The following OSBPL10 variants were observed in gnomAD, a reference collection of about 807,000 sequenced individuals.
OSBPL10 encodes oxysterol-binding protein-related protein 10.
In OSBPL10, 49 loss-of-function variants were observed where a neutral mutation model predicts 81.7. That is an observed-to-expected ratio of 0.60 (90% CI 0.48 to 0.76). The LOEUF (loss-of-function observed/expected upper bound fraction) is 0.76. Among genes scored for constraint, OSBPL10 ranks in the 30% least tolerant of loss-of-function variants. The pLI is 0.00. For synonymous variants in OSBPL10, 419 were observed against 383.6 expected, an observed-to-expected ratio of 1.09 and a Z score of -1.08; for missense variants, 923 against 987.8, an observed-to-expected ratio of 0.93 and a Z score of 0.88.
intron 6 of OSBPL10, among the ~76,000 whole-genome samples, chr3:31,732,216 T>A (rs1222059532): frequency 6.6e-6 from 1 of 152,204 alleles, no homozygotes; most frequent in Non-Finnish European, 1.5e-5. Context: ...CCACAGCCAC[T>A]ATTCACTTCA....
chr3:32,030,467 T>TGCGTATTAA (rs1412352996), intron 2 of OSBPL10: 2 of 694,344 alleles, frequency 2.9e-6, no homozygotes, highest in Non-Finnish European at 5.3e-6. Flanking sequence ...AGAATTAATG[T>TGCGTATTAA]GCGTATTAAG....
In OSBPL10 at chr3:31,847,877, G is replaced by A. The variant is rs1250533350; in HGVS notation, c.538-17646C>T. ...GGGCTGGAAGCAGGGCCCAGAAGCT[G>A]CAGCCAACCTGCAAGACCAGACACA... On this transcript the variant is annotated intron_variant, in intron 3 of 11. Transcript: ENST00000396556. Among the ~76,000 whole-genome samples the A allele has an allele frequency of 3.9e-5, 6 of 152,118 alleles. No individual in the cohort carries two copies. The East Asian group carries it at 1.2e-3, about 30-fold the overall frequency.
chr3:31,684,294 T>A (rs890788909), intron 7 of OSBPL10, among the ~76,000 whole-genome samples, 180 bp from the exon 8 acceptor site: 1 of 152,198 alleles, frequency 6.6e-6, no homozygotes, highest in Non-Finnish European at 1.5e-5. Flanking sequence ...AAATGAGAAG[T>A]GGCAGTGGAA....
upstream of OSBPL10, among the ~76,000 whole-genome samples, chr3:31,981,603 G>C (rs568633157): frequency 6.6e-6 from 1 of 152,220 alleles, no homozygotes; most frequent in Admixed American, 6.5e-5. The surrounding 1 kb of genome is among the most constrained non-coding windows in gnomAD (Gnocchi z 4.5). Flanking sequence ...CATTCCTTCT[G>C]CCACCCTCTC....
chr3:31,692,231 C>A (rs936855035), intron 7 of OSBPL10, among the ~76,000 whole-genome samples: 3 of 152,100 alleles, frequency 2.0e-5, no homozygotes, highest in Non-Finnish European at 4.4e-5. Flanking sequence ...GTGTACGTGG[C>A]AAATTCATCT....
At chr3:31,841,200 C>T (rs1700486501) in intron 3 of OSBPL10, among the ~76,000 whole-genome samples, 1 of 152,258 alleles carries the variant, frequency 6.6e-6, no homozygotes, top group African/African-American at 2.4e-5. Flanking sequence ...AGCCACCGCA[C>T]CTGGCCTAGG....
chr3:31,969,356 G>C (rs1698489087), intron 1 of OSBPL10: 1 of 152,380 alleles, frequency 6.6e-6, no homozygotes, highest in African/African-American at 2.4e-5. Flanking sequence ...CAGCCCAGAG[G>C]TGGCAAGAGT....
intron 3 of OSBPL10, among the ~76,000 whole-genome samples, chr3:31,871,402 T>C (rs1350017885): frequency 6.6e-6 from 1 of 151,658 alleles, no homozygotes; most frequent in African/African-American, 2.4e-5. Context: ...TCCGAACACA[T>C]CCAAACATCA....
At chr3:31,841,691 T>C (rs1700502011) in intron 3 of OSBPL10, among the ~76,000 whole-genome samples, 1 of 152,230 alleles carries the variant, frequency 6.6e-6, no homozygotes, top group Non-Finnish European at 1.5e-5. Context: ...ATTCTAGTGC[T>C]GACTCAAAGC....
At chr3:31,679,216 C>G (rs546330049) in intron 8 of OSBPL10, among the ~76,000 whole-genome samples, 1 of 152,318 alleles carries the variant, frequency 6.6e-6, no homozygotes, top group African/African-American at 2.4e-5. Flanking sequence ...CTCAGCTGCT[C>G]TATCTTGCTG....
chr3:31,741,694 G>A (rs1003480175), intron 5 of OSBPL10, among the ~76,000 whole-genome samples: 2 of 152,132 alleles, frequency 1.3e-5, no homozygotes, highest in Non-Finnish European at 2.9e-5. Flanking sequence ...ATATCCTATT[G>A]ATATCCTATT....
At chr3:31,818,247 C>T (rs1432126098) in intron 4 of OSBPL10, among the ~76,000 whole-genome samples, 1 of 152,098 alleles carries the variant, frequency 6.6e-6, no homozygotes, top group Non-Finnish European at 1.5e-5. Flanking sequence ...CCATTGAAGG[C>T]CTCAATGGAA....
At chr3:31,918,386 T>C (rs950709760) in intron 1 of OSBPL10, among the ~76,000 whole-genome samples, 9 of 151,198 alleles carry the variant, frequency 6.0e-5, no homozygotes, top group African/African-American at 1.9e-4. Context: ...CAGAGTACAG[T>C]GGTATGATCA....
At chr3:31,864,079 C>A (rs1258766561) in intron 3 of OSBPL10, among the ~76,000 whole-genome samples, 4 of 152,186 alleles carry the variant, frequency 2.6e-5, no homozygotes, top group Non-Finnish European at 5.9e-5. Flanking sequence ...TATGATTTCC[C>A]CACAGTCCCA....
Position 31,955,738 on chromosome 3 carries a change from C to T in OSBPL10, c.281+25161G>A, listed in dbSNP as rs147476224. The stretch of plus-strand genomic sequence containing the variant: ...CATTCAGTGCCATCTAGCAGCTTTC[C>T]AGCCCAGCTTCTAGTCTACAGAAGC... On this transcript the variant is annotated intron_variant, in intron 1 of 11. Coordinates refer to ENST00000396556, the MANE Select transcript of OSBPL10 (RefSeq NM_017784.5). Among the ~76,000 whole-genome samples, 832 of 152,306 alleles carry T rather than the reference C, an allele frequency of 5.5e-3. 3 individuals are homozygous for T. Among genetic ancestry groups the T allele is most frequent in the Non-Finnish European group, 8.4e-3 (570 of 68,030 alleles).
chr3:31,889,643 C>A (rs748728502), intron 1 of OSBPL10, among the ~76,000 whole-genome samples: 7 of 151,238 alleles, frequency 4.6e-5, no homozygotes, highest in Admixed American at 2.0e-4. Flanking sequence ...ATAGAGGATA[C>A]TAGGGGCTGG....
intron 3 of OSBPL10, among the ~76,000 whole-genome samples, chr3:31,869,203 G>A (rs1701257319): frequency 6.6e-6 from 1 of 151,524 alleles, no homozygotes; most frequent in Admixed American, 6.6e-5. Flanking sequence ...CAAAGATGAG[G>A]AGACAGAGGT....
At chr3:32,056,824 G>A (rs1001211561) in intron 1 of OSBPL10, among the ~76,000 whole-genome samples, 1 of 152,174 alleles carries the variant, frequency 6.6e-6, no homozygotes, top group African/African-American at 2.4e-5. Flanking sequence ...TGCATTCCCA[G>A]AAGGTTAGGC....
chr3:31,830,974 G>A (rs1023704402), intron 3 of OSBPL10, among the ~76,000 whole-genome samples: 1 of 152,056 alleles, frequency 6.6e-6, no homozygotes, highest in Non-Finnish European at 1.5e-5. Flanking sequence ...TGGGATAACT[G>A]GGAAGCCATC....
Sources: gnomAD v4.1 joint callset for allele counts (sites outside exome capture counted in the v4.1 genomes callset) on GRCh38, gnomAD v4.1.1 for gene constraint, Gnocchi (gnomAD v3.1) non-coding constraint, MANE v1.5 for transcripts, NCBI Gene and HGNC (gene_info 2026-07-23, HGNC 2026-07-21) for gene names.